CTIF: variants seen among roughly 807,000 people sequenced by gnomAD.
CTIF encodes CBP80/20-dependent translation initiation factor.
In CTIF, 21 loss-of-function variants were observed where a neutral mutation model predicts 66.0. That is an observed-to-expected ratio of 0.32 (90% CI 0.23 to 0.46). The LOEUF (loss-of-function observed/expected upper bound fraction) is 0.46, where lower values mean the gene tolerates loss of function less well. Ranked by LOEUF, CTIF falls within the 20% of genes least tolerant of loss-of-function variation. The probability of loss-of-function intolerance (pLI) is 1.00; values close to 1 mark genes in which losing one functional copy is unlikely to be tolerated. For missense variants in CTIF, 739 were observed against 812.7 expected (o/e 0.91, Z 1.10); for synonymous variants, 345 against 326.4 (o/e 1.06, Z -0.62).
intron 9 of CTIF, among the ~76,000 whole-genome samples, chr18:48,778,862 C>G (rs573218545): frequency 6.6e-6 from 1 of 152,192 alleles, no homozygotes; most frequent in Non-Finnish European, 1.5e-5. Context: ...CAGCAGGTCG[C>G]GCTGGTCCCT....
intron 6 of CTIF, among the ~76,000 whole-genome samples, chr18:48,678,572 T>A (rs1444412981): frequency 6.7e-6 from 1 of 148,236 alleles, no homozygotes; most frequent in African/African-American, 2.5e-5. Flanking sequence ...CCTATTTTTA[T>A]TTTTTGTTAT....
chr18:48,826,525 T>C (rs565411854), intron 10 of CTIF: 6 of 152,454 alleles, frequency 3.9e-5, no homozygotes, highest in African/African-American at 1.4e-4. Context: ...GATTCATTCC[T>C]CTTACAACAT....
At chr18:48,605,172 GT>G (rs895528969) in intron 1 of CTIF, among the ~76,000 whole-genome samples, 1 of 152,156 alleles carries the variant, frequency 6.6e-6, no homozygotes, top group African/African-American at 2.4e-5. Flanking sequence ...TAAGGTTTAT[GT>G]TTAATGGTTC....
intron 6 of CTIF, among the ~76,000 whole-genome samples, chr18:48,698,096 G>A (rs1455210012): frequency 7.0e-5 from 5 of 71,630 alleles, no homozygotes; most frequent in African/African-American, 2.5e-4. Flanking sequence ...GGAAAATGTA[G>A]CCATCATTAA....
At chr18:48,587,555 G>A (rs1263725130) in intron 1 of CTIF, among the ~76,000 whole-genome samples, 2 of 152,210 alleles carry the variant, frequency 1.3e-5, no homozygotes, top group African/African-American at 4.8e-5. Flanking sequence ...CTGGGAGGGA[G>A]TTCAGAGGCC....
At position 48,681,121 on chromosome 18, in the gene CTIF, C is replaced by T. The variant is rs184505240; in HGVS notation, c.507+10377C>T. Among the ~76,000 whole-genome samples the T allele has an allele frequency of 3.3e-3, 499 of 152,346 alleles. 1 individual carries two copies. Among genetic ancestry groups the T allele is most frequent in the Admixed American group, 5.0e-3 (77 of 15,310 alleles). ...CAGCGGCCAGGCAGGAGGAAGCTTTCCTCTGGCCCAAGAACAATACCAGGG... is the reference window on the plus strand; with the variant it reads ...CAGCGGCCAGGCAGGAGGAAGCTTTTCTCTGGCCCAAGAACAATACCAGGG... On this transcript the variant is annotated intron_variant, in intron 6 of 11. Coordinates refer to ENST00000256413, the MANE Select transcript of CTIF (RefSeq NM_014772.3).
intron 1 of CTIF, among the ~76,000 whole-genome samples, chr18:48,591,533 C>A (rs1362958096): frequency 6.6e-6 from 1 of 152,204 alleles, no homozygotes; most frequent in African/African-American, 2.4e-5. Context: ...ATCCATTCTT[C>A]AGATTAGAGG....
chr18:48,620,098 G>A (rs763725260), intron 2 of CTIF, among the ~76,000 whole-genome samples: 12 of 152,196 alleles, frequency 7.9e-5, no homozygotes, highest in East Asian at 7.7e-4. Flanking sequence ...TGGAGGTTTC[G>A]CTTCTCCATA....
chr18:48,603,976 G>C (rs1055867594), intron 1 of CTIF, among the ~76,000 whole-genome samples: 1 of 149,874 alleles, frequency 6.7e-6, no homozygotes, highest in African/African-American at 2.5e-5. Flanking sequence ...AGCCTCTCGA[G>C]TAGCTGGGAC....
At chr18:48,840,871 A>ACCCCCC (rs2068924098) in intron 10 of CTIF, among the ~76,000 whole-genome samples, 8 of 60,244 alleles carry the variant, frequency 1.3e-4, no homozygotes, top group African/African-American at 4.6e-4. Context: ...CTCCACCCCC[A>ACCCCCC]CCCCCACCCC....
intron 1 of CTIF, among the ~76,000 whole-genome samples, chr18:48,611,532 C>T (rs944830090): frequency 3.3e-5 from 5 of 152,204 alleles, no homozygotes; most frequent in East Asian, 1.9e-4. Flanking sequence ...ATAAAGAAGA[C>T]GTGCAAGATT....
chr18:48,558,515 A>G (rs921293548), intron 1 of CTIF, among the ~76,000 whole-genome samples: 2 of 152,262 alleles, frequency 1.3e-5, no homozygotes, highest in African/African-American at 4.8e-5. Flanking sequence ...TTTTCATGTA[A>G]CAAATATGGG....
chr18:48,562,305 A>C (rs950000851), intron 1 of CTIF, among the ~76,000 whole-genome samples: 12 of 152,244 alleles, frequency 7.9e-5, no homozygotes, highest in African/African-American at 2.7e-4. Flanking sequence ...CAGAGTTAAC[A>C]GAGAGGTTAA....
chr18:48,605,307 A>G (rs1230523067), intron 1 of CTIF, among the ~76,000 whole-genome samples: 2 of 152,158 alleles, frequency 1.3e-5, no homozygotes, highest in African/African-American at 4.8e-5. Context: ...GATACTTTGT[A>G]AGGTCTTTTT....
At position 48,686,513 on chromosome 18, in the gene CTIF, G is replaced by A. The variant is rs142297270; in HGVS notation, c.507+15769G>A. The stretch of plus-strand genomic sequence containing the variant: ...GAAGCCAAGATCGGGACCTAGGTGT[G>A]CTCATTGCTGCTCGGTTCTCACGTT... On this transcript the variant is annotated intron_variant, in intron 6 of 11. Coordinates refer to ENST00000256413, the MANE Select transcript of CTIF (RefSeq NM_014772.3). 3.3e-4 allele frequency among the ~76,000 whole-genome samples: 50 copies of A among 149,910 alleles called. 2 individuals are homozygous for A. In the East Asian group the frequency reaches 9.1e-3, roughly 27 times the overall value.
At chr18:48,625,229 C>G (rs969476067) in intron 2 of CTIF, 1 of 984,802 alleles carries the variant, frequency 1.0e-6, no homozygotes, top group Admixed American at 6.2e-5. Flanking sequence ...AAAGGCTTAA[C>G]AGAAGAAGTG....
chr18:48,737,266 G>C (rs549850111), intron 7 of CTIF, among the ~76,000 whole-genome samples: 2 of 152,324 alleles, frequency 1.3e-5, no homozygotes, highest in East Asian at 3.9e-4. Context: ...GGCTCCCCAA[G>C]GTGGGACCCT....
chr18:48,695,337 C>T (rs2091990651), intron 6 of CTIF, among the ~76,000 whole-genome samples: 1 of 152,186 alleles, frequency 6.6e-6, no homozygotes, highest in Non-Finnish European at 1.5e-5. Context: ...TGCTATGTGA[C>T]ATTGCTGTGC....
At chr18:48,788,779 A>G (rs2146114776) in intron 9 of CTIF, among the ~76,000 whole-genome samples, 1 of 152,296 alleles carries the variant, frequency 6.6e-6, no homozygotes, top group African/African-American at 2.4e-5. Flanking sequence ...CACTACAGAA[A>G]AAATGAGAAG....
Sources: allele counts gnomAD v4.1 joint callset (sites outside exome capture counted in the v4.1 genomes callset), GRCh38; gene constraint gnomAD v4.1.1; transcripts MANE v1.5; gene names NCBI Gene and HGNC (gene_info 2026-07-23, HGNC 2026-07-21).